Variants in TMEM232 observed in about 807,000 individuals in gnomAD.
TMEM232 encodes transmembrane protein 232.
Under a neutral mutation model 78.8 loss-of-function variants are expected in TMEM232, and 80 were observed. That is an observed-to-expected ratio of 1.01 (90% confidence interval 0.85 to 1.22). The LOEUF is 1.22. Ranked by LOEUF, TMEM232 falls within the 50% of genes most tolerant of loss-of-function variation. The pLI is 0.00. For synonymous variants in TMEM232, 297 were observed against 254.3 expected, an observed-to-expected ratio of 1.17 and a Z score of -1.60; for missense variants, 881 against 742.2, an observed-to-expected ratio of 1.19 and a Z score of -2.17.
intron 3 of TMEM232, among the ~76,000 whole-genome samples, chr5:110,395,681 G>A (rs1355031500): frequency 3.9e-5 from 6 of 152,132 alleles, no homozygotes; most frequent in East Asian, 1.9e-4. Context: ...CATCCTGAGC[G>A]GAAACTGAAA....
intron 11 of TMEM232, among the ~76,000 whole-genome samples, chr5:110,542,590 ACAG>A (rs1189614725): frequency 6.6e-6 from 1 of 152,078 alleles, no homozygotes; most frequent in Non-Finnish European, 1.5e-5. Context: ...TGAAGCAGTT[ACAG>A]AAGAAAGACC....
intron 12 of TMEM232, among the ~76,000 whole-genome samples, chr5:110,511,970 G>A (rs1767817085): frequency 6.6e-6 from 1 of 151,990 alleles, no homozygotes; most frequent in Non-Finnish European, 1.5e-5. Context: ...TGTCCCTTCT[G>A]TTTGGCATAT....
At chr5:110,588,116 T>C (rs748249470) in intron 10 of TMEM232, among the ~76,000 whole-genome samples, 5 of 152,080 alleles carry the variant, frequency 3.3e-5, no homozygotes, top group African/African-American at 4.8e-5. Flanking sequence ...TAACTCTCAT[T>C]TACTTTCTAA....
At chr5:110,618,310 T>C in intron 8 of TMEM232, 119 bp downstream of exon 8, 1 of 1,264,530 alleles carries the variant, frequency 7.9e-7, no homozygotes, top group Non-Finnish European at 1.1e-6. Flanking sequence ...GGAACTGAGA[T>C]TATAAATTTG....
chr5:110,433,233 T>C (rs1435786584), intron 12 of TMEM232, among the ~76,000 whole-genome samples: 5 of 151,766 alleles, frequency 3.3e-5, no homozygotes, highest in African/African-American at 1.2e-4. Context: ...TGCTCAATCA[T>C]AAAGCAAGTC....
At chr5:110,709,510 A>G (rs1204791113) in intron 1 of TMEM232, among the ~76,000 whole-genome samples, 2 of 152,126 alleles carry the variant, frequency 1.3e-5, no homozygotes, top group Non-Finnish European at 2.9e-5. Flanking sequence ...AAAAATTCAA[A>G]AAAAATGAAA....
intron 5 of TMEM232, among the ~76,000 whole-genome samples, chr5:110,635,336 A>C (rs1419889971): frequency 6.6e-6 from 1 of 152,016 alleles, no homozygotes; most frequent in East Asian, 1.9e-4. Flanking sequence ...CACATTTCCC[A>C]AGGCCAGCGT....
chr5:110,701,227 G>C (rs1795410397), intron 1 of TMEM232, among the ~76,000 whole-genome samples: 1 of 151,856 alleles, frequency 6.6e-6, no homozygotes, highest in Non-Finnish European at 1.5e-5. Context: ...AAAAGAACTT[G>C]ATGATTTGCT....
At chr5:110,690,981 G>C (rs929155464) in intron 1 of TMEM232, among the ~76,000 whole-genome samples, 10 of 152,002 alleles carry the variant, frequency 6.6e-5, no homozygotes, top group African/African-American at 1.5e-4. Context: ...TTGGGGGTGT[G>C]GGGGTAGGGG....
intron 12 of TMEM232, among the ~76,000 whole-genome samples, chr5:110,499,365 C>T (rs1765967082): frequency 6.6e-6 from 1 of 152,140 alleles, no homozygotes; most frequent in Non-Finnish European, 1.5e-5. Context: ...GATCCTCACA[C>T]CTGAACCTCA....
At chr5:110,419,399 A>G (rs1756436527), downstream of TMEM232, among the ~76,000 whole-genome samples, 1 of 152,176 alleles carries the variant, frequency 6.6e-6, no homozygotes, top group African/African-American at 2.4e-5. Context: ...TAAACAAAGA[A>G]TGATACTTAA....
intron 5 of TMEM232, among the ~76,000 whole-genome samples, chr5:110,635,127 T>C (rs997492968): frequency 6.6e-6 from 1 of 151,714 alleles, no homozygotes; most frequent in African/African-American, 2.4e-5. Context: ...CCTACCAAGA[T>C]TGACTCAGGA....
At position 110,523,565 on chromosome 5, in the gene TMEM232, T is replaced by C. The variant is rs538546591; in HGVS notation, c.1703+5023A>G. Among the ~76,000 whole-genome samples the C allele has an allele frequency of 6.6e-5, 10 of 152,266 alleles. No individual in the cohort carries two copies. The South Asian group carries it at 1.9e-3, about 28-fold the overall frequency. On this transcript the variant is annotated intron_variant, in intron 12 of 13. Transcript: ENST00000455884. ...TTTGCTCCATCCATAAGTTTTAGTA[T>C]GTTTTGTTTTCATTTTCATTTTACT...
At chr5:110,732,000 G>C (rs554189481) in intron 2 of TMEM232, among the ~76,000 whole-genome samples, 16 of 152,152 alleles carry the variant, frequency 1.1e-4, no homozygotes, top group African/African-American at 3.9e-4. Flanking sequence ...TGAATGCCTC[G>C]CTGCTTAGAA....
intron 12 of TMEM232, among the ~76,000 whole-genome samples, chr5:110,493,652 G>C (rs1304041618): frequency 6.6e-6 from 1 of 152,022 alleles, no homozygotes; most frequent in Non-Finnish European, 1.5e-5. Flanking sequence ...GATTTCTATG[G>C]AATGCCATGA....
At chr5:110,428,640 C>T (rs537939930) in intron 12 of TMEM232, among the ~76,000 whole-genome samples, 2 of 151,434 alleles carry the variant, frequency 1.3e-5, no homozygotes, top group Admixed American at 1.3e-4. Flanking sequence ...TACATATCCT[C>T]CTGTCTTTTT....
In TMEM232 at chr5:110,449,910, T is replaced by C. The variant is rs1760080705; in HGVS notation, c.1704-24994A>G. ...GACATTTATTTATTTATCATGATTA[T>C]TGATACAGCTTGGCTCTGTGTCCCC... On this transcript the variant is annotated intron_variant, in intron 12 of 13. Transcript: ENST00000455884. Among the ~76,000 whole-genome samples the C allele has an allele frequency of 2.6e-5, 4 of 152,148 alleles. No individual in the cohort carries two copies. In the South Asian group the frequency reaches 6.2e-4, roughly 24 times the overall value.
chr5:110,729,035 C>G (rs1166723927), upstream of TMEM232, among the ~76,000 whole-genome samples: 1 of 151,936 alleles, frequency 6.6e-6, no homozygotes, highest in African/African-American at 2.4e-5. Flanking sequence ...CAGGCGCCTG[C>G]CACCACGCCT....
intron 12 of TMEM232, among the ~76,000 whole-genome samples, chr5:110,463,563 A>C (rs1284872314): frequency 1.3e-5 from 2 of 152,100 alleles, no homozygotes; most frequent in Non-Finnish European, 2.9e-5. Flanking sequence ...TCAAACCCTA[A>C]ATATATTATT....
Sources: allele counts gnomAD v4.1 joint callset (sites outside exome capture counted in the v4.1 genomes callset), GRCh38; gene constraint gnomAD v4.1.1; transcripts MANE v1.5; gene names NCBI Gene and HGNC (gene_info 2026-07-23, HGNC 2026-07-21).